The following RAPGEF1 variants were observed in gnomAD, a reference collection of about 807,000 sequenced individuals.
The protein encoded by RAPGEF1 is Rap guanine nucleotide exchange factor 1.
In RAPGEF1, 33 loss-of-function variants were observed where a neutral mutation model predicts 143.3. That is an observed-to-expected ratio of 0.23 (90% CI 0.17 to 0.31). RAPGEF1 has a LOEUF of 0.31. Ranked by LOEUF, RAPGEF1 falls within the 10% of genes least tolerant of loss-of-function variation. The probability of loss-of-function intolerance (pLI) is 1.00; values close to 1 mark genes in which losing one functional copy is unlikely to be tolerated. For missense variants in RAPGEF1, 1,199 were observed against 1,645.4 expected (o/e 0.73, Z 4.69); for synonymous variants, 629 against 676.5 (o/e 0.93, Z 1.09).
intron 5 of RAPGEF1, among the ~76,000 whole-genome samples, chr9:131,633,459 CAG>C (rs1166213282): frequency 6.6e-6 from 1 of 152,200 alleles, no homozygotes; most frequent in African/African-American, 2.4e-5. Context: ...GCAAAAGGAA[CAG>C]AGAGAAGTCT....
At position 131,584,356 on chromosome 9, in the gene RAPGEF1, G is replaced by A. The variant is rs746601026; in HGVS notation, c.3369C>T (p.Asp1123=). 6.2e-6 allele frequency: 10 copies of A among 1,613,678 alleles called. No individual in the cohort carries two copies. The African/African-American group carries it at 1.1e-4, about 17-fold the overall frequency. ...NSYLAILSAL[D]SAPIRRLEWQ... ...ACTCCAGCCTGCGGATGGGCGCCGA[G>A]TCCAGGGCAGAGAGGATGGCCAAGT... The change falls in exon 24 of 27, where the codon GAC becomes GAT. Residue 1123 remains aspartate, a synonymous_variant. Coordinates refer to ENST00000683357, the MANE Select transcript of RAPGEF1 (RefSeq NM_001377935.1). This position sits in a 1 kb window ranked among gnomAD's most constrained non-coding sequence, Gnocchi z 6.8.
intron 19 of RAPGEF1, among the ~76,000 whole-genome samples, chr9:131,589,323 G>A (rs1953774118): frequency 1.3e-5 from 2 of 152,244 alleles, no homozygotes. Context: ...GAGACACCAA[G>A]ACTTCCCGGC....
intron 1 of RAPGEF1, among the ~76,000 whole-genome samples, chr9:131,723,014 T>A (rs1352269942): frequency 6.6e-6 from 1 of 152,098 alleles, no homozygotes; most frequent in Non-Finnish European, 1.5e-5. Context: ...GCCAACATAG[T>A]GAAACCCTGT....
chr9:131,597,317 A>G (rs1955472814), intron 16 of RAPGEF1, among the ~76,000 whole-genome samples: 1 of 152,144 alleles, frequency 6.6e-6, no homozygotes, highest in Non-Finnish European at 1.5e-5. Context: ...TTAAGGAAGA[A>G]ATTTATGGCA....
At chr9:131,668,084 A>G (rs1830719920) in intron 1 of RAPGEF1, among the ~76,000 whole-genome samples, 1 of 152,248 alleles carries the variant, frequency 6.6e-6, no homozygotes, top group Non-Finnish European at 1.5e-5. Context: ...CCTAGGATTT[A>G]AACAGAACCC....
At position 131,583,642 on chromosome 9, in the gene RAPGEF1, A is replaced by G. The variant is rs1467073822; in HGVS notation, c.3414+669T>C. Among the ~76,000 whole-genome samples, 1 of 152,076 alleles carries G rather than the reference A, an allele frequency of 6.6e-6. No individual in the cohort carries two copies. The highest frequency in any genetic ancestry group is 2.4e-5 in the African/African-American group (1 of 41,406). On this transcript the variant is annotated intron_variant, in intron 24 of 26. Coordinates refer to ENST00000683357, the MANE Select transcript of RAPGEF1 (RefSeq NM_001377935.1). This position sits in a 1 kb window ranked among gnomAD's most constrained non-coding sequence, Gnocchi z 4.7. ...CATGGGTTTTGCCCCCATTTGCAAT[A>G]TTATTTCCCTACACAGGATAAAGGT... is the stretch of plus-strand genomic sequence containing the variant.
chr9:131,721,322 T>C (rs1253042356), intron 1 of RAPGEF1, among the ~76,000 whole-genome samples: 1 of 152,206 alleles, frequency 6.6e-6, no homozygotes, highest in African/African-American at 2.4e-5. Flanking sequence ...GGAAGTGTGC[T>C]CATCCCTCCA....
At chr9:131,665,042 T>A (rs1830207385) in intron 1 of RAPGEF1, among the ~76,000 whole-genome samples, 1 of 152,180 alleles carries the variant, frequency 6.6e-6, no homozygotes, top group Non-Finnish European at 1.5e-5. Flanking sequence ...TAGGGGTATA[T>A]ATTCGAGAGC....
intron 1 of RAPGEF1, among the ~76,000 whole-genome samples, chr9:131,707,272 C>T (rs1186077423): frequency 1.1e-4 from 17 of 151,616 alleles, no homozygotes; most frequent in Admixed American, 1.1e-3. Flanking sequence ...ATGTATGACA[C>T]AGTCAGAACT....
At position 131,584,248 on chromosome 9, in the gene RAPGEF1, G is replaced by A. The variant is rs1181044821; in HGVS notation, c.3414+63C>T. On this transcript the variant is annotated intron_variant, in intron 24 of 26. Transcript: ENST00000683357. The surrounding 1 kb of genome is among the most constrained non-coding windows in gnomAD (Gnocchi z 6.8). ...GGAGCACTTTCTGCCACAGCTAGTC[G>A]CCTGAGGGCTGGGCGGCCCCCCTTA... The A allele has an allele frequency of 7.7e-6, 11 of 1,432,550 alleles. No individual in the cohort carries two copies. Among genetic ancestry groups the A allele is most frequent in the South Asian group, 3.6e-5 (3 of 82,418 alleles). 88.7% of individuals were successfully genotyped at this position (1,432,550 alleles called of 1,614,324 possible).
chr9:131,698,926 G>T (rs1016689655), intron 1 of RAPGEF1, among the ~76,000 whole-genome samples: 3 of 152,198 alleles, frequency 2.0e-5, no homozygotes, highest in African/African-American at 4.8e-5. Context: ...CCTAAATAGC[G>T]GGGTGATTTG....
rs1004152567 is a variant in RAPGEF1, at chr9:131,628,331, C to T, written c.1017+218G>A. ...GCTGGACTCACCTATCCCCAGGAGA[C>T]GCCCTTTGGCTCTGCCCTCCCTGCC... On this transcript the variant is annotated intron_variant, in intron 8 of 26. Transcript: ENST00000683357. This position sits in a 1 kb window ranked among gnomAD's most constrained non-coding sequence, Gnocchi z 5.7. Among the ~76,000 whole-genome samples the T allele has an allele frequency of 2.6e-5, 4 of 152,296 alleles. No homozygotes were observed. The highest frequency in any genetic ancestry group is 9.6e-5 in the African/African-American group (4 of 41,576).
chr9:131,600,956 C>A (rs767808025), intron 15 of RAPGEF1, among the ~76,000 whole-genome samples: 6 of 152,006 alleles, frequency 3.9e-5, no homozygotes, highest in Non-Finnish European at 8.8e-5. Flanking sequence ...GAGATTGAGA[C>A]CATCCTGGCT....
At chr9:131,692,159 TG>T (rs2131026175) in intron 1 of RAPGEF1, among the ~76,000 whole-genome samples, 1 of 152,352 alleles carries the variant, frequency 6.6e-6, no homozygotes, top group African/African-American at 2.4e-5. Context: ...AAGCAAACTT[TG>T]TGATCAATCA....
rs1274815666 is a variant in RAPGEF1 at position 131,723,305 on chromosome 9, A to C, written c.61+16465T>G. Among the ~76,000 whole-genome samples the C allele has an allele frequency of 3.9e-5, 6 of 152,230 alleles. No homozygotes were observed. In the South Asian group the frequency reaches 8.3e-4, roughly 21 times the overall value. ...AAGTACACATAACATTTGCCATCTT[A>C]ATCATTTTAAAGTGATTACCACTTA... On this transcript the variant is annotated intron_variant, in intron 1 of 26. Transcript: ENST00000683357.
At chr9:131,590,548 C>T (rs1954042815) in intron 18 of RAPGEF1, among the ~76,000 whole-genome samples, 1 of 152,230 alleles carries the variant, frequency 6.6e-6, no homozygotes, top group South Asian at 2.1e-4. Context: ...CTTCAAGCAC[C>T]CGATCAGCTC....
Position 131,584,261 on chromosome 9 carries a change from G to A in RAPGEF1, c.3414+50C>T. On this transcript the variant is annotated intron_variant, in intron 24 of 26. Coordinates refer to ENST00000683357, the MANE Select transcript of RAPGEF1 (RefSeq NM_001377935.1). The surrounding 1 kb of genome is among the most constrained non-coding windows in gnomAD (Gnocchi z 6.8). ...CCACAGCTAGTCGCCTGAGGGCTGGGCGGCCCCCCTTACCAGCCACCCTCC... is the reference window on the plus strand; with the variant it reads ...CCACAGCTAGTCGCCTGAGGGCTGGACGGCCCCCCTTACCAGCCACCCTCC... 1 of 1,501,258 alleles carries A rather than the reference G, an allele frequency of 6.7e-7. No homozygotes were observed. Among genetic ancestry groups the A allele is most frequent in the Admixed American group, 1.9e-5 (1 of 52,276 alleles). 93.0% of individuals were successfully genotyped at this position (1,501,258 alleles called of 1,614,324 possible).
chr9:131,682,403 A>G (rs570549793), intron 1 of RAPGEF1, among the ~76,000 whole-genome samples: 1 of 152,192 alleles, frequency 6.6e-6, no homozygotes, highest in South Asian at 2.1e-4. Flanking sequence ...AATGTCTGTC[A>G]GTAGATTTAT....
In RAPGEF1 at chr9:131,608,230, G is replaced by A. The variant is rs541441681; in HGVS notation, c.2062-3042C>T. Among the ~76,000 whole-genome samples, 14 of 152,340 alleles carry A rather than the reference G, an allele frequency of 9.2e-5. No individual in the cohort carries two copies. The East Asian group carries it at 2.5e-3, about 27-fold the overall frequency. On this transcript the variant is annotated intron_variant, in intron 12 of 26. Coordinates refer to ENST00000683357, the MANE Select transcript of RAPGEF1 (RefSeq NM_001377935.1). ...TCCTCCGCATGGTGCTGGTGCGGAC[G>A]ACCTCTCGGCCAGCAGCAGCCGTCC...
Sources: allele counts gnomAD v4.1 joint callset (sites outside exome capture counted in the v4.1 genomes callset), GRCh38; gene constraint gnomAD v4.1.1; non-coding constraint Gnocchi (gnomAD v3.1); transcripts MANE v1.5; gene names NCBI Gene and HGNC (gene_info 2026-07-23, HGNC 2026-07-21).